SGCD: variants seen among roughly 807,000 people sequenced by gnomAD.
SGCD encodes the protein delta-sarcoglycan.
Under a neutral mutation model 36.6 loss-of-function variants are expected in SGCD, and 18 were observed. That is an observed-to-expected ratio of 0.49 (90% CI 0.34 to 0.73). The LOEUF (loss-of-function observed/expected upper bound fraction) is 0.73. Ranked by LOEUF, SGCD falls within the 30% of genes least tolerant of loss-of-function variation. The probability of loss-of-function intolerance (pLI) is 0.01; values close to 1 mark genes in which losing one functional copy is unlikely to be tolerated. For missense variants in SGCD, 387 were observed against 346.7 expected (o/e 1.12, Z -0.92); for synonymous variants, 133 against 130.6 (o/e 1.02, Z -0.12).
chr5:155,805,120 A>G, the SGCD span, among the ~76,000 whole-genome samples: 1 of 152,236 alleles, frequency 6.6e-6, no homozygotes, highest in Non-Finnish European at 1.5e-5. Flanking sequence ...ATGGGTGTAC[A>G]TGGAAATTAG....
At chr5:156,248,336 A>G (rs1765488437) in intron 3 of SGCD, among the ~76,000 whole-genome samples, 1 of 152,194 alleles carries the variant, frequency 6.6e-6, no homozygotes, top group African/African-American at 2.4e-5. Flanking sequence ...CCTGGCCAAC[A>G]TGGTGAAACC....
intron 4 of SGCD, among the ~76,000 whole-genome samples, chr5:156,545,708 G>T (rs987903783): frequency 5.9e-5 from 9 of 152,132 alleles, no homozygotes; most frequent in African/African-American, 2.2e-4. Flanking sequence ...TGTGCAGCCT[G>T]GTTCCCTGTA....
At chr5:156,430,497 T>G (rs1348769331) in intron 3 of SGCD, among the ~76,000 whole-genome samples, 1 of 152,112 alleles carries the variant, frequency 6.6e-6, no homozygotes, top group Non-Finnish European at 1.5e-5. Context: ...ATTCAGAGAT[T>G]TCTTCTTGGT....
intron 2 of SGCD, among the ~76,000 whole-genome samples, chr5:156,332,211 A>G (rs1479685019): frequency 2.0e-5 from 3 of 152,254 alleles, no homozygotes; most frequent in East Asian, 1.9e-4. Context: ...ACAGCAGGTC[A>G]TAAACCGGCA....
intron 4 of SGCD, among the ~76,000 whole-genome samples, chr5:156,562,392 G>A (rs1298775703): frequency 6.6e-6 from 1 of 152,024 alleles, no homozygotes; most frequent in Admixed American, 6.6e-5. Flanking sequence ...GGTATTTCCT[G>A]GAAGACATAT....
chr5:156,227,644 G>A (rs1203629038), intron 3 of SGCD, among the ~76,000 whole-genome samples: 1 of 152,000 alleles, frequency 6.6e-6, no homozygotes, highest in Non-Finnish European at 1.5e-5. Flanking sequence ...TGTGAAGAAT[G>A]ATGGTGATAT....
At chr5:156,239,166 G>A (rs1323324317) in intron 3 of SGCD, among the ~76,000 whole-genome samples, 1 of 152,072 alleles carries the variant, frequency 6.6e-6, no homozygotes, top group Admixed American at 6.6e-5. Flanking sequence ...TTGGGAGGCC[G>A]AGGTGGATGG....
At chr5:156,414,368 A>C (rs1193998556) in intron 3 of SGCD, among the ~76,000 whole-genome samples, 1 of 152,246 alleles carries the variant, frequency 6.6e-6, no homozygotes, top group Non-Finnish European at 1.5e-5. Flanking sequence ...TAAATTACAA[A>C]ATTTTTATAA....
chr5:156,125,839 TTTATTATTATTATTATTATTA>T (rs144493356), intron 3 of SGCD, among the ~76,000 whole-genome samples: 15 of 131,486 alleles, frequency 1.1e-4, no homozygotes, highest in East Asian at 1.1e-3. Flanking sequence ...CACTCATTCT[TTTATTATTATTATTATTATTA>T]TTATTATTAT....
chr5:156,030,317 A>G (rs1759317959), intron 1 of SGCD, among the ~76,000 whole-genome samples: 1 of 152,204 alleles, frequency 6.6e-6, no homozygotes, highest in South Asian at 2.1e-4. Context: ...GCGAGGTCAT[A>G]TTGGGTAAGA....
the SGCD span, among the ~76,000 whole-genome samples, chr5:155,792,223 C>A: frequency 6.6e-6 from 1 of 151,846 alleles, no homozygotes; most frequent in African/African-American, 2.4e-5. Flanking sequence ...GAAACTAGAC[C>A]CTTACCTTTC....
chr5:156,294,388 G>A (rs138659325), intron 3 of SGCD, among the ~76,000 whole-genome samples: 8 of 152,064 alleles, frequency 5.3e-5, no homozygotes, highest in Middle Eastern at 3.4e-3. Flanking sequence ...CTTGAGGTTC[G>A]GAGTTCAAGA....
chr5:156,029,873 A>T (rs1157099574), intron 1 of SGCD, among the ~76,000 whole-genome samples: 1 of 152,028 alleles, frequency 6.6e-6, no homozygotes, highest in East Asian at 1.9e-4. Context: ...CTACTTGGAA[A>T]CTTACAGCCT....
intron 1 of SGCD, among the ~76,000 whole-genome samples, chr5:156,108,332 T>G (rs1761699520): frequency 6.6e-6 from 1 of 152,188 alleles, no homozygotes; most frequent in African/African-American, 2.4e-5. Flanking sequence ...TAACAGTTTT[T>G]GCTGTAGAAT....
chr5:156,181,095 G>A (rs919362652), intron 3 of SGCD, among the ~76,000 whole-genome samples: 2 of 152,168 alleles, frequency 1.3e-5, no homozygotes, highest in Non-Finnish European at 2.9e-5. Flanking sequence ...GAGAGTCAGG[G>A]AAGTGAGGAA....
At chr5:156,374,412 TCA>T (rs1770549231) in intron 3 of SGCD, among the ~76,000 whole-genome samples, 2 of 152,142 alleles carry the variant, frequency 1.3e-5, no homozygotes, top group South Asian at 4.1e-4. Flanking sequence ...CCAGTCAGCT[TCA>T]CATGGGAGCA....
intron 1 of SGCD, among the ~76,000 whole-genome samples, chr5:155,876,725 A>G (rs1303981306): frequency 6.6e-6 from 1 of 152,088 alleles, no homozygotes; most frequent in Admixed American, 6.6e-5. Flanking sequence ...AGGGCATTAA[A>G]ATGGCATTTC....
intron 3 of SGCD, among the ~76,000 whole-genome samples, chr5:156,318,206 A>T (rs1191729544): frequency 6.6e-6 from 1 of 152,334 alleles, no homozygotes; most frequent in African/African-American, 2.4e-5. Context: ...TATCACATGC[A>T]TAGGAATAGC....
chr5:156,764,666 T>G lies in SGCD; in HGVS notation c.*5276T>G, dbSNP rs963866477. The G allele has an allele frequency of 6.6e-6, 1 of 152,314 alleles. No individual in the cohort carries two copies. The highest frequency in any genetic ancestry group is 2.4e-5 in the African/African-American group (1 of 41,438). 9.4% of individuals were successfully genotyped at this position (152,314 alleles called of 1,614,324 possible). On this transcript the variant is annotated 3_prime_UTR_variant, in exon 9 of 9. Coordinates refer to ENST00000337851, the MANE Select transcript of SGCD (RefSeq NM_000337.6). ...TTCTTTGGTTCTCCCCCTACCTTCC[T>G]TTTGTAGATATTGACAGAATAGGAG... is the stretch of plus-strand genomic sequence containing the variant.
Sources: allele counts gnomAD v4.1 joint callset (sites outside exome capture counted in the v4.1 genomes callset), GRCh38; gene constraint gnomAD v4.1.1; transcripts MANE v1.5; gene names NCBI Gene and HGNC (gene_info 2026-07-23, HGNC 2026-07-21).